PI4KA: variants seen among roughly 807,000 people sequenced by gnomAD.
The protein encoded by PI4KA is phosphatidylinositol 4-kinase alpha, also known as PI4-kinase alpha.
A neutral mutation model predicts 271.4 loss-of-function variants in PI4KA; 122 were observed. The ratio of observed to expected loss-of-function variants is 0.45; its 90% confidence interval spans 0.39 to 0.52. PI4KA has a LOEUF of 0.52. Among genes scored for constraint, PI4KA ranks in the 20% least tolerant of loss-of-function variants. The probability of loss-of-function intolerance (pLI) is 0.00; values close to 1 mark genes in which losing one functional copy is unlikely to be tolerated. For missense variants in PI4KA, 1,969 were observed against 2,769.1 expected, an observed-to-expected ratio of 0.71 and a Z score of 6.48; for synonymous variants, 1,041 against 1,078.8, an observed-to-expected ratio of 0.96 and a Z score of 0.69.
rs188396588 is a variant in PI4KA, at chr22:20,772,538, C to T, written c.2329-6845G>A. On this transcript the variant is annotated intron_variant, in intron 19 of 54. Transcript: ENST00000255882. Reference sequence around the variant, plus strand: ...CAAAATCAGACTCAGACACAACCACCGGTCTGTGTCCTGAACACAATGGAC... The same window carrying T: ...CAAAATCAGACTCAGACACAACCACTGGTCTGTGTCCTGAACACAATGGAC... 6.6e-5 allele frequency among the ~76,000 whole-genome samples: 10 copies of T among 152,322 alleles called. No individual in the cohort carries two copies. The East Asian group carries it at 1.7e-3, about 26-fold the overall frequency.
chr22:20,838,033 A>G (rs1254758846), intron 2 of PI4KA, among the ~76,000 whole-genome samples: 1 of 151,912 alleles, frequency 6.6e-6, no homozygotes, highest in Non-Finnish European at 1.5e-5. Flanking sequence ...AGGCAGGAGA[A>G]TCACTTGAAC....
intron 19 of PI4KA, chr22:20,774,244 G>A (rs1933062629): frequency 1.3e-5 from 2 of 152,184 alleles, no homozygotes; most frequent in South Asian, 4.1e-4. Context: ...GAATTCAGAA[G>A]CTTTCTACAC....
rs1318737824 is a variant in PI4KA, at chr22:20,733,105, A to C, written c.4161-7T>G. On this transcript the variant is annotated splice_polypyrimidine_tract_variant and splice_region_variant and intron_variant, in intron 35 of 54. Transcript: ENST00000255882. ...AGGGAACTTTGGGGGACAGCTTCAA[A>C]CAACCATAAGAGGACAAGGGCTGAG... 1.9e-6 allele frequency: 3 copies of C among 1,611,864 alleles called. No homozygotes were observed. Among genetic ancestry groups the C allele is most frequent in the Non-Finnish European group, 2.5e-6 (3 of 1,179,818 alleles).
intron 9 of PI4KA, 30 bp from the exon 10 acceptor site, chr22:20,807,488 A>G (rs1446661590): frequency 7.4e-7 from 1 of 1,352,676 alleles, no homozygotes; most frequent in Non-Finnish European, 1.1e-6. Flanking sequence ...ACATGACTAT[A>G]GAACAGAAAT....
chr22:20,736,247 C>T (rs1928706070), intron 32 of PI4KA, among the ~76,000 whole-genome samples: 1 of 151,636 alleles, frequency 6.6e-6, no homozygotes, highest in South Asian at 2.1e-4. Flanking sequence ...GGGAGCAGCC[C>T]AGGAGGGCAG....
At chr22:20,774,877 C>G (rs530245238) in intron 19 of PI4KA, among the ~76,000 whole-genome samples, 4 of 152,014 alleles carry the variant, frequency 2.6e-5, no homozygotes, top group African/African-American at 9.7e-5. Flanking sequence ...AGAACACACA[C>G]GTACGTACAC....
chr22:20,714,756 G>C (rs1925760655), intron 45 of PI4KA, 56 bp from the exon 46 acceptor site: 3 of 1,570,790 alleles, frequency 1.9e-6, no homozygotes, highest in East Asian at 2.3e-5. Context: ...AGGTGAGCCA[G>C]AGTCAGTTTC....
At chr22:20,813,295 T>A in intron 8 of PI4KA, 63 bp downstream of exon 8, 1 of 1,290,012 alleles carries the variant, frequency 7.8e-7, no homozygotes, top group Non-Finnish European at 1.1e-6. Flanking sequence ...AAAATACAAG[T>A]TTCACCACTA....
In PI4KA at chr22:20,802,479, G is replaced by A. The variant is rs140403002; in HGVS notation, c.1592-374C>T. Among the ~76,000 whole-genome samples, 9 of 152,310 alleles carry A rather than the reference G, an allele frequency of 5.9e-5. No homozygotes were observed. In the East Asian group the frequency reaches 1.4e-3, roughly 23 times the overall value. On this transcript the variant is annotated intron_variant, in intron 13 of 54. Coordinates refer to ENST00000255882, the MANE Select transcript of PI4KA (RefSeq NM_058004.4). ...TGGTGAGGGTTAGGGATGCTTGCGG[G>A]AGCAGGGGCCTTAGAGCCTGAGAGA...
intron 19 of PI4KA, among the ~76,000 whole-genome samples, chr22:20,770,579 GACACACACACACACACACACACACACAC>G (rs528696021): frequency 3.1e-5 from 3 of 96,024 alleles, no homozygotes; most frequent in African/African-American, 8.4e-5. Context: ...GCTGGACACG[GACACACACACACACACACACACACACAC>G]ACACACACAC....
intron 32 of PI4KA, among the ~76,000 whole-genome samples, chr22:20,740,802 T>C (rs988729662): frequency 2.0e-5 from 3 of 152,152 alleles, no homozygotes; most frequent in Non-Finnish European, 2.9e-5. Context: ...TAGAAGATAA[T>C]ATCTGAAATG....
Position 20,838,609 on chromosome 22 carries a change from ACTTAC to A in PI4KA, c.273+1_273+5del. ...TGAAGAAACTTTTAATTTCATGAAG[ACTTAC>A]CTGAAGATCAGATTCAATCAGAAAA... is the stretch of plus-strand genomic sequence containing the variant. On this transcript the variant is annotated splice_donor_variant and splice_donor_5th_base_variant and intron_variant, in intron 2 of 54. Coordinates refer to ENST00000255882, the MANE Select transcript of PI4KA (RefSeq NM_058004.4). LOFTEE classifies it high-confidence loss of function. 2.0e-6 allele frequency: 3 copies of A among 1,527,398 alleles called. No homozygotes were observed. The highest frequency in any genetic ancestry group is 2.7e-6 in the Non-Finnish European group (3 of 1,101,468). The allele number at this position is 1,527,398 out of a possible 1,614,324, so 94.6% of individuals were successfully genotyped here.
intron 2 of PI4KA, among the ~76,000 whole-genome samples, chr22:20,838,139 A>C (rs1925111669): frequency 6.6e-6 from 1 of 151,858 alleles, no homozygotes; most frequent in African/African-American, 2.4e-5. Flanking sequence ...AAAAAACAAG[A>C]TACACTGATA....
In PI4KA at chr22:20,771,008, C is replaced by T. The variant is rs114660327; in HGVS notation, c.2329-5315G>A. 5.0e-3 allele frequency among the ~76,000 whole-genome samples: 754 copies of T among 152,154 alleles called. 6 individuals are homozygous for T. Among genetic ancestry groups the T allele is most frequent in the African/African-American group, 0.017 (714 of 41,498 alleles). ...CAACTTGGCCAACATAGTGAGACCC[C>T]GCTTTTTTCTAACTAAAAAAATTTT... On this transcript the variant is annotated intron_variant, in intron 19 of 54. Transcript: ENST00000255882.
intron 47 of PI4KA, 127 bp from the exon 48 acceptor site, chr22:20,713,517 CCCCAAGGAG>C (rs991696248): frequency 9.4e-6 from 7 of 742,312 alleles, no homozygotes; most frequent in Admixed American, 2.4e-5. Flanking sequence ...TTCTTCAAAA[CCCCAAGGAG>C]GCCAAGGAGG....
chr22:20,822,386 GCA>G (rs10610918), intron 4 of PI4KA, among the ~76,000 whole-genome samples: 73,635 of 151,694 alleles, frequency 0.49, 18,340 homozygotes, highest in African/African-American at 0.58. Context: ...GTCTTCTTTC[GCA>G]CCTGCTTCTC....
chr22:20,785,040 C>T (rs536710842), intron 19 of PI4KA, among the ~76,000 whole-genome samples: 1 of 151,774 alleles, frequency 6.6e-6, no homozygotes, highest in South Asian at 2.1e-4. Flanking sequence ...CCCTGCAGCC[C>T]GGCAGCTCTT....
At chr22:20,815,350 C>T (rs920224403) in intron 7 of PI4KA, among the ~76,000 whole-genome samples, 4 of 130,370 alleles carry the variant, frequency 3.1e-5, no homozygotes, top group African/African-American at 1.2e-4. Context: ...CACTGCACTC[C>T]ATTCTGGTGA....
In PI4KA at chr22:20,714,316, G is replaced by A. The variant is rs1440020800; in HGVS notation, c.5461+142C>T. ...AGCTCCCTGCCATCCCCCAATGAGG[G>A]ATCTGACTGAGTGAGGGCAGACAGA... On this transcript the variant is annotated intron_variant, in intron 47 of 54. Transcript: ENST00000255882. 6.0e-6 allele frequency: 9 copies of A among 1,488,228 alleles called. No individual in the cohort carries two copies. The Admixed American group carries it at 1.9e-4, about 31-fold the overall frequency. The allele number at this position is 1,488,228 out of a possible 1,614,324, so 92.2% of individuals were successfully genotyped here.
Sources: allele counts gnomAD v4.1 joint callset (sites outside exome capture counted in the v4.1 genomes callset), GRCh38; gene constraint gnomAD v4.1.1; transcripts MANE v1.5; gene names NCBI Gene and HGNC (gene_info 2026-07-23, HGNC 2026-07-21).